Variants in PPIE observed in about 807,000 individuals in gnomAD.
PPIE encodes the protein peptidylprolyl isomerase E.
Under a neutral mutation model 38.4 loss-of-function variants are expected in PPIE, and 20 were observed. The observed-to-expected ratio is 0.52, with a 90% confidence interval of 0.37 to 0.76. The LOEUF (loss-of-function observed/expected upper bound fraction) is 0.76. PPIE is among the 30% of genes least tolerant of loss of function. The pLI, the probability that PPIE is intolerant of heterozygous loss-of-function variation, is 0.00. For synonymous variants in PPIE, 142 were observed against 135.7 expected (o/e 1.05, Z -0.32); for missense variants, 322 against 385.8 (o/e 0.83, Z 1.39).
At position 39,753,314 on chromosome 1, in the gene PPIE, A is replaced by G. The variant is rs1647948928; in HGVS notation, c.865A>G (p.Lys289Glu). Residue 289 changes from lysine (K) to glutamate (E), a missense_variant, in exon 10 of 10, where the codon AAG becomes GAG. Coordinates refer to ENST00000324379, the MANE Select transcript of PPIE (RefSeq NM_006112.4). ...EAQGSKDGKPKQKVIIADCGE... is the reference protein window; with the variant it reads ...EAQGSKDGKPEQKVIIADCGE... Reference sequence around the variant, plus strand: ...CCAGGGCAGCAAGGACGGGAAGCCAAAGCAGAAGGTGATCATCGCCGACTG... The same window carrying G: ...CCAGGGCAGCAAGGACGGGAAGCCAGAGCAGAAGGTGATCATCGCCGACTG... The G allele has an allele frequency of 1.9e-6, 3 of 1,614,056 alleles. No individual in the cohort carries two copies. The highest frequency in any genetic ancestry group is 1.6e-4 in the Middle Eastern group (1 of 6,084).
intron 8 of PPIE, among the ~76,000 whole-genome samples, chr1:39,750,146 A>AG (rs1246152603): frequency 3.8e-4 from 58 of 152,134 alleles, no homozygotes; most frequent in African/African-American, 1.4e-3. Flanking sequence ...AAAAAAAAAA[A>AG]CAAACTTCAT....
At chr1:39,741,276 C>A (rs545409733) in intron 2 of PPIE, 90 bp from the exon 3 acceptor site, 2 of 1,121,020 alleles carry the variant, frequency 1.8e-6, no homozygotes, top group Admixed American at 1.7e-5. Flanking sequence ...TGTTTGGATA[C>A]GACATGTAAC....
At position 39,740,267 on chromosome 1, in the gene PPIE, A is replaced by C. The variant is rs1647024974; in HGVS notation, c.130+4A>C. On this transcript the variant is annotated splice_donor_region_variant and intron_variant, in intron 2 of 9. Transcript: ENST00000324379. ...ATTCCTCTGGATTATGAAACAGGTG[A>C]GTTAGTGTCTCTCACGTTCAGAATC... is the stretch of plus-strand genomic sequence containing the variant. 1 of 1,607,726 alleles carries C rather than the reference A, an allele frequency of 6.2e-7. No homozygotes were observed. The highest frequency in any genetic ancestry group is 1.3e-5 in the African/African-American group (1 of 74,788).
At chr1:39,746,912 T>A (rs988181731) in intron 7 of PPIE, 3 of 152,260 alleles carry the variant, frequency 2.0e-5, no homozygotes, top group Non-Finnish European at 4.4e-5. Flanking sequence ...AATTTTTGAA[T>A]CATCCTAAAC....
chr1:39,760,453 C>A (rs141647099), downstream of PPIE: 8 of 1,614,090 alleles, frequency 5.0e-6, no homozygotes, highest in East Asian at 1.8e-4. Context: ...CACCATGTTG[C>A]GGTGCTTGCG....
chr1:39,743,896 C>T lies in PPIE; in HGVS notation c.356C>T (p.Ser119Leu), dbSNP rs753107197. ...GAAGAGAATAAAGAGGAAGAAGGGT[C>T]AGAGCCTCCCAAAGCAGAGACCCAG... is the stretch of plus-strand genomic sequence containing the variant. ...TLEENKEEEG[S>L]EPPKAETQEG... is the part of the protein sequence containing the mutation. Residue 119 changes from serine to leucine, a missense_variant, in exon 6 of 10, where the codon TCA becomes TTA. Ser to Leu is a moderately radical substitution (Grantham distance 145). Transcript: ENST00000324379. 19 of 1,613,276 alleles carry T rather than the reference C, an allele frequency of 1.2e-5. No homozygotes were observed. Among genetic ancestry groups the T allele is most frequent in the Non-Finnish European group, 4.2e-6 (5 of 1,179,744 alleles).
At chr1:39,752,242 T>C (rs1206958354) in intron 8 of PPIE, among the ~76,000 whole-genome samples, 1 of 152,228 alleles carries the variant, frequency 6.6e-6, no homozygotes, top group African/African-American at 2.4e-5. Flanking sequence ...GGCATCTGCA[T>C]GCTGATGGCT....
intron 5 of PPIE, 59 bp from the exon 6 acceptor site, chr1:39,743,765 C>A: frequency 7.1e-7 from 1 of 1,416,924 alleles, no homozygotes; most frequent in Non-Finnish European, 9.9e-7. Context: ...ACCAAAGCAG[C>A]TACTTTTCAG....
chr1:39,763,539 C>CAA (rs113575841), intron 9 of PPIE: 104 of 934,376 alleles, frequency 1.1e-4, no homozygotes, highest in South Asian at 1.9e-4. Flanking sequence ...AAAAACTGAA[C>CAA]AAAAAAAAAA....
Position 39,748,996 on chromosome 1 carries a change from G to T in PPIE, c.602G>T (p.Gly201Val). The T allele has an allele frequency of 6.2e-7, 1 of 1,613,806 alleles. No individual in the cohort carries two copies. Among genetic ancestry groups the T allele is most frequent in the Non-Finnish European group, 8.5e-7 (1 of 1,179,944 alleles). ...RIIPQFMCQGGDFTNHNGTGG... is the reference protein window; with the variant it reads ...RIIPQFMCQGVDFTNHNGTGG... ...ATCCCCCAGTTCATGTGCCAGGGCG[G>T]TGATTTCACAAACCACAATGGCACT... The change falls in exon 8 of 10, where the codon GGT becomes GTT. Residue 201 changes from glycine to valine, a missense_variant. Transcript: ENST00000324379.
At chr1:39,751,381 A>T (rs1017827207) in intron 8 of PPIE, among the ~76,000 whole-genome samples, 7 of 152,058 alleles carry the variant, frequency 4.6e-5, no homozygotes, top group African/African-American at 1.7e-4. Context: ...TTTTTTTGAG[A>T]CAGGGTCTCT....
rs1296460381 is a variant in PPIE, at chr1:39,753,409, G to A, written c.*54G>A. The A allele has an allele frequency of 1.3e-6, 2 of 1,596,542 alleles. No individual in the cohort carries two copies. Among genetic ancestry groups the A allele is most frequent in the Non-Finnish European group, 1.7e-6 (2 of 1,171,276 alleles). ...CTCTTGACCCTGCATATCCAGGAAG[G>A]AACTGCCAGCCTCAGAGGAGGCAGC... On this transcript the variant is annotated 3_prime_UTR_variant, in exon 10 of 10. Coordinates refer to ENST00000324379, the MANE Select transcript of PPIE (RefSeq NM_006112.4).
downstream of PPIE, chr1:39,759,966 A>AACCAGACCCTGACTACACAC (rs1553126327): frequency 5.6e-5 from 10 of 177,412 alleles, no homozygotes; most frequent in African/African-American, 2.4e-4. Flanking sequence ...ATGGGGAGCC[A>AACCAGACCCTGACTACACAC]ACCAGACCCT....
At position 39,753,413 on chromosome 1, in the gene PPIE, T is replaced by C. The variant is rs1425042125; in HGVS notation, c.*58T>C. 1.1e-5 allele frequency: 18 copies of C among 1,594,936 alleles called. No individual in the cohort carries two copies. Among genetic ancestry groups the C allele is most frequent in the Non-Finnish European group, 1.5e-5 (18 of 1,170,490 alleles). On this transcript the variant is annotated 3_prime_UTR_variant, in exon 10 of 10. Transcript: ENST00000324379. ...TGACCCTGCATATCCAGGAAGGAAC[T>C]GCCAGCCTCAGAGGAGGCAGCACCG...
Position 39,756,255 on chromosome 1 carries a change from C to T in PPIE, c.*2900C>T. On this transcript the variant is annotated 3_prime_UTR_variant, in exon 10 of 10. Transcript: ENST00000324379. Reference sequence around the variant, plus strand: ...GCAGCCTGGAGAGCAAAGCGGCTTTCCCTGGGACTGTGTGGCTCCTGTCCC... The same window carrying T: ...GCAGCCTGGAGAGCAAAGCGGCTTTTCCTGGGACTGTGTGGCTCCTGTCCC... 1 of 985,478 alleles carries T rather than the reference C, an allele frequency of 1.0e-6. No homozygotes were observed. The highest frequency in any genetic ancestry group is 1.2e-6 in the Non-Finnish European group (1 of 829,940). The allele number at this position is 985,478 out of a possible 1,614,324, so 61.0% of individuals were successfully genotyped here.
At chr1:39,745,705 A>G (rs1235199947) in intron 7 of PPIE, 3 of 634,808 alleles carry the variant, frequency 4.7e-6, no homozygotes, top group Non-Finnish European at 7.6e-6. Flanking sequence ...CTGTTTTTTA[A>G]TCGTTTTTTA....
Position 39,756,767 on chromosome 1 carries a change from T to A in PPIE, c.*3412T>A. On this transcript the variant is annotated 3_prime_UTR_variant, in exon 10 of 10. Coordinates refer to ENST00000324379, the MANE Select transcript of PPIE (RefSeq NM_006112.4). The stretch of plus-strand genomic sequence containing the variant: ...CCTAGAAATAAAGCCACAAAAATAT[T>A]AATAGTGTGTTTATTTGACTTGTGG... The A allele has an allele frequency of 4.3e-6, 1 of 234,470 alleles. No individual in the cohort carries two copies. Among genetic ancestry groups the A allele is most frequent in the Non-Finnish European group, 7.0e-6 (1 of 143,404 alleles). 14.5% of individuals were successfully genotyped at this position (234,470 alleles called of 1,614,324 possible).
chr1:39,760,222 G>C, downstream of PPIE: 2 of 927,486 alleles, frequency 2.2e-6, no homozygotes, highest in Non-Finnish European at 3.1e-6. Context: ...CTGGAAACAG[G>C]ACAGTCACAC....
rs1337276579 is a variant in PPIE, at chr1:39,756,267, G to A, written c.*2912G>A. 2 of 985,372 alleles carry A rather than the reference G, an allele frequency of 2.0e-6. No individual in the cohort carries two copies. Among genetic ancestry groups the A allele is most frequent in the South Asian group, 4.7e-5 (1 of 21,292 alleles). 61.0% of individuals were successfully genotyped at this position (985,372 alleles called of 1,614,324 possible). ...GCAAAGCGGCTTTCCCTGGGACTGT[G>A]TGGCTCCTGTCCCAACTGGCCTCCC... On this transcript the variant is annotated 3_prime_UTR_variant, in exon 10 of 10. Transcript: ENST00000324379.
Sources: gnomAD v4.1 joint callset for allele counts (sites outside exome capture counted in the v4.1 genomes callset) on GRCh38, gnomAD v4.1.1 for gene constraint, MANE v1.5 for transcripts, NCBI Gene and HGNC (gene_info 2026-07-23, HGNC 2026-07-21) for gene names.